The following GFOD1 variants were observed in gnomAD, a reference collection of about 807,000 sequenced individuals.
GFOD1 encodes the protein glucose-fructose oxidoreductase domain-containing protein 1.
In GFOD1, 9 loss-of-function variants were observed where a neutral mutation model predicts 25.4. That is an observed-to-expected ratio of 0.35 (90% confidence interval 0.21 to 0.62). GFOD1 has a LOEUF of 0.62. Ranked by LOEUF, GFOD1 falls within the 20% of genes least tolerant of loss-of-function variation. GFOD1 has a pLI of 0.72. For missense variants in GFOD1, 403 were observed against 556.9 expected (o/e 0.72, Z 2.78); for synonymous variants, 253 against 245.6 (o/e 1.03, Z -0.28).
chr6:13,385,021 T>C lies in GFOD1; in HGVS notation c.254-19359A>G, dbSNP rs557264883. 2.0e-5 allele frequency among the ~76,000 whole-genome samples: 3 copies of C among 152,258 alleles called. No individual in the cohort carries two copies. The South Asian group carries it at 6.2e-4, about 32-fold the overall frequency. On this transcript the variant is annotated intron_variant, in intron 1 of 1. Coordinates refer to ENST00000379287, the MANE Select transcript of GFOD1 (RefSeq NM_018988.4). ...GAGACCCTTAGGTCACAGGGGAGGATTAGCTGGTGGCAGCAGAGTTCAAGT... is the reference window on the plus strand; with the variant it reads ...GAGACCCTTAGGTCACAGGGGAGGACTAGCTGGTGGCAGCAGAGTTCAAGT...
intron 1 of GFOD1, among the ~76,000 whole-genome samples, chr6:13,392,343 C>CAAAAA (rs1035923592): frequency 1.3e-4 from 8 of 61,242 alleles, no homozygotes; most frequent in East Asian, 9.4e-4. Context: ...GACCCTATCT[C>CAAAAA]AAAAAAAAAA....
intron 1 of GFOD1, among the ~76,000 whole-genome samples, chr6:13,382,854 G>A (rs1326663086): frequency 6.6e-6 from 1 of 152,064 alleles, no homozygotes; most frequent in Non-Finnish European, 1.5e-5. Context: ...AGTGTGTGTT[G>A]TTCCCCTTCC....
rs199694596 is a variant in GFOD1, at chr6:13,365,362, G to C, written c.554C>G (p.Thr185Ser). 2 of 1,614,160 alleles carry C rather than the reference G, an allele frequency of 1.2e-6. No individual in the cohort carries two copies. The highest frequency in any genetic ancestry group is 1.7e-6 in the Non-Finnish European group (2 of 1,180,018). Residue 185 changes from threonine to serine, a missense_variant, in exon 2 of 2, where the codon ACC becomes AGC. By Grantham distance (58) the Thr-to-Ser change is moderately conservative. Coordinates refer to ENST00000379287, the MANE Select transcript of GFOD1 (RefSeq NM_018988.4). The surrounding 1 kb of genome is among the most constrained non-coding windows in gnomAD (Gnocchi z 9.2). ...GACGGCCTTTTGGCCGGTGAGGAAG[G>C]TGAGCAGGTCGATGATGTAGGTGCC... ...SVGTYIIDLL[T>S]FLTGQKAVKV...
At chr6:13,366,032 G>A (rs6915393) in intron 1 of GFOD1, among the ~76,000 whole-genome samples, 13 of 151,108 alleles carry the variant, frequency 8.6e-5, no homozygotes, top group African/African-American at 3.1e-4. Flanking sequence ...TGTTCTGGCC[G>A]CTGCAGTGAG....
At chr6:13,440,198 T>C (rs1757892666) in intron 1 of GFOD1, among the ~76,000 whole-genome samples, 1 of 152,122 alleles carries the variant, frequency 6.6e-6, no homozygotes, top group Admixed American at 6.5e-5. Context: ...CTTTTTTTTT[T>C]GTTTTTTTGA....
At chr6:13,410,882 C>T (rs1786066046) in intron 1 of GFOD1, among the ~76,000 whole-genome samples, 1 of 152,118 alleles carries the variant, frequency 6.6e-6, no homozygotes, top group South Asian at 2.1e-4. Flanking sequence ...ACACCTTACC[C>T]CTCACCCTCT....
chr6:13,466,929 CAT>C (rs1758388842), intron 1 of GFOD1, among the ~76,000 whole-genome samples: 1 of 150,884 alleles, frequency 6.6e-6, no homozygotes. Flanking sequence ...TGGGCACACA[CAT>C]ACACATATGC....
intron 1 of GFOD1, among the ~76,000 whole-genome samples, chr6:13,379,833 A>C (rs1785324052): frequency 6.6e-6 from 1 of 152,106 alleles, no homozygotes; most frequent in Non-Finnish European, 1.5e-5. Context: ...CCTATTAGTA[A>C]AGCAGCCCAA....
At chr6:13,409,701 C>T (rs1265986801) in intron 1 of GFOD1, among the ~76,000 whole-genome samples, 1 of 152,062 alleles carries the variant, frequency 6.6e-6, no homozygotes, top group East Asian at 1.9e-4. Flanking sequence ...ATGGGCAGAT[C>T]ACGAGGTTGG....
chr6:13,482,150 T>C (rs888102871), intron 1 of GFOD1, among the ~76,000 whole-genome samples: 1 of 148,824 alleles, frequency 6.7e-6, no homozygotes, highest in Non-Finnish European at 1.5e-5. Context: ...TCTATAAATA[T>C]GTTAATATAT....
chr6:13,397,133 C>A (rs897784884), intron 1 of GFOD1, among the ~76,000 whole-genome samples: 1 of 152,050 alleles, frequency 6.6e-6, no homozygotes, highest in Non-Finnish European at 1.5e-5. Context: ...AGGAGCAGAC[C>A]CATTGTGGGT....
At chr6:13,457,762 G>A (rs183497801) in intron 1 of GFOD1, among the ~76,000 whole-genome samples, 2,085 of 152,254 alleles carry the variant, frequency 0.014, 15 homozygotes, top group Middle Eastern at 0.054. Flanking sequence ...AGTGGCTGCC[G>A]GCCTGTTCTT....
At chr6:13,470,580 T>C in intron 1 of GFOD1, 1 of 1,513,906 alleles carries the variant, frequency 6.6e-7, no homozygotes, top group East Asian at 2.5e-5. Flanking sequence ...GGCATTTTTT[T>C]TTCCCCAGTA....
At chr6:13,477,279 T>G (rs962241165) in intron 1 of GFOD1, among the ~76,000 whole-genome samples, 1 of 149,788 alleles carries the variant, frequency 6.7e-6, no homozygotes, top group Non-Finnish European at 1.5e-5. Context: ...TTTTAAGGAA[T>G]TGGCTCGCAC....
At chr6:13,450,762 A>G (rs1246265014) in intron 1 of GFOD1, among the ~76,000 whole-genome samples, 1 of 152,174 alleles carries the variant, frequency 6.6e-6, no homozygotes, top group Non-Finnish European at 1.5e-5. Flanking sequence ...AGTATAAATC[A>G]TACTGTTTGC....
intron 1 of GFOD1, among the ~76,000 whole-genome samples, chr6:13,394,912 C>T (rs989105630): frequency 2.6e-5 from 4 of 152,112 alleles, no homozygotes; most frequent in African/African-American, 4.8e-5. Context: ...GGATTACAGG[C>T]GTGAGCCACC....
chr6:13,409,201 G>GAAAGAAAGAAAGAAAGAA (rs375074286), intron 1 of GFOD1, among the ~76,000 whole-genome samples: 5 of 48,180 alleles, frequency 1.0e-4, no homozygotes, highest in East Asian at 1.2e-3. Context: ...AAGAAAGAAA[G>GAAAGAAAGAAAGAAAGAA]AGAAAGAAGG....
intron 1 of GFOD1, among the ~76,000 whole-genome samples, chr6:13,442,624 T>C (rs1757934866): frequency 6.6e-6 from 1 of 152,234 alleles, no homozygotes; most frequent in South Asian, 2.1e-4. Context: ...CCAAAATTCA[T>C]TTACCATTCC....
At position 13,411,332 on chromosome 6, in the gene GFOD1, G is replaced by T. The variant is rs141867619; in HGVS notation, c.254-45670C>A. 2.0e-5 allele frequency among the ~76,000 whole-genome samples: 3 copies of T among 152,172 alleles called. No homozygotes were observed. In the South Asian group the frequency reaches 6.2e-4, roughly 32 times the overall value. ...TTTGAGACAGAGTCTCACTCTGTCA[G>T]CCAGGCTGGAGTGCAGTGGCGCGAT... is the stretch of plus-strand genomic sequence containing the variant. On this transcript the variant is annotated intron_variant, in intron 1 of 1. Coordinates refer to ENST00000379287, the MANE Select transcript of GFOD1 (RefSeq NM_018988.4).
Sources: allele counts gnomAD v4.1 joint callset (sites outside exome capture counted in the v4.1 genomes callset), GRCh38; gene constraint gnomAD v4.1.1; non-coding constraint Gnocchi (gnomAD v3.1); transcripts MANE v1.5; gene names NCBI Gene and HGNC (gene_info 2026-07-23, HGNC 2026-07-21).